Variants in WWOX observed in about 807,000 individuals in gnomAD.
The protein encoded by WWOX is WW domain-containing oxidoreductase.
WWOX carries 69 observed loss-of-function variants against 46.2 expected under a neutral mutation model. That is an observed-to-expected ratio of 1.49 (90% CI 1.23 to 1.82). WWOX has a LOEUF of 1.82. Among genes scored for constraint, WWOX ranks in the 40% most tolerant of loss-of-function variants. The pLI is 0.00. For missense variants in WWOX, 919 were observed against 542.6 expected, an observed-to-expected ratio of 1.69 and a Z score of -6.89; for synonymous variants, 359 against 202.6, an observed-to-expected ratio of 1.77 and a Z score of -6.56.
intron 8 of WWOX, among the ~76,000 whole-genome samples, chr16:79,122,933 C>T (rs1006662281): frequency 6.6e-6 from 1 of 152,228 alleles, no homozygotes; most frequent in Non-Finnish European, 1.5e-5. Context: ...CAATGGGACC[C>T]TTGCCGGGGC....
chr16:78,462,284 G>C (rs1356182467), intron 8 of WWOX, among the ~76,000 whole-genome samples: 1 of 151,720 alleles, frequency 6.6e-6, no homozygotes, highest in African/African-American at 2.4e-5. Context: ...GGTAGCAGGA[G>C]CTTTCAAAGT....
rs67180105 is a variant in WWOX at position 79,002,213 on chromosome 16, CTTTTTTTTTTTTTT to C, written c.1057-209381_1057-209368del. Among the ~76,000 whole-genome samples the C allele has an allele frequency of 2.7e-4, 11 of 41,344 alleles. No individual in the cohort carries two copies. In the Admixed American group the frequency reaches 3.1e-3, roughly 12 times the overall value. The allele number at this position is 41,344 out of a possible 152,430, so 27.1% of individuals were successfully genotyped here. A position where few individuals can be genotyped will look rare whatever the true frequency, so the allele number is the denominator to read the frequency against. On this transcript the variant is annotated intron_variant, in intron 8 of 8. Coordinates refer to ENST00000566780, the MANE Select transcript of WWOX (RefSeq NM_016373.4). ...ATTTAGATTTCCTTGGGTGTCCTGC[CTTTTTTTTTTTTTT>C]TTTTTTTTTTTTTGAGATGGAGTTT...
rs186451985 is a variant in WWOX at position 79,130,757 on chromosome 16, C to T, written c.1057-80851C>T. On this transcript the variant is annotated intron_variant, in intron 8 of 8. Transcript: ENST00000566780. ...GACTTGTAATCGCCACAATGTATTA[C>T]AGATGCAGAGTCTTCATCTTGTTGG... Among the ~76,000 whole-genome samples, 117 of 152,312 alleles carry T rather than the reference C, an allele frequency of 7.7e-4. No homozygotes were observed. The Middle Eastern group carries it at 0.014, about 18-fold the overall frequency.
At chr16:79,164,768 C>T (rs2050558061) in intron 8 of WWOX, among the ~76,000 whole-genome samples, 1 of 152,136 alleles carries the variant, frequency 6.6e-6, no homozygotes, top group African/African-American at 2.4e-5. Flanking sequence ...ACTAGAGGGT[C>T]AGCAAACTCA....
intron 8 of WWOX, among the ~76,000 whole-genome samples, chr16:78,579,244 C>T (rs72803973): frequency 0.16 from 24,271 of 152,070 alleles, 2,477 homozygotes; most frequent in African/African-American, 0.29. Context: ...TTTGTTATTA[C>T]GTCACAGTTT....
intron 7 of WWOX, among the ~76,000 whole-genome samples, chr16:78,427,413 C>T (rs1365431647): frequency 1.3e-5 from 2 of 152,074 alleles, no homozygotes; most frequent in Non-Finnish European, 1.5e-5. Context: ...GAAAAAATTT[C>T]AGATAACAAT....
chr16:78,143,696 A>T (rs1291429931), intron 4 of WWOX, among the ~76,000 whole-genome samples: 1 of 150,922 alleles, frequency 6.6e-6, no homozygotes, highest in East Asian at 1.9e-4. Context: ...GATTCCTCTA[A>T]TAAGTTTTCA....
At chr16:79,005,127 T>C (rs934043465) in intron 8 of WWOX, among the ~76,000 whole-genome samples, 1 of 152,160 alleles carries the variant, frequency 6.6e-6, no homozygotes, top group Non-Finnish European at 1.5e-5. Flanking sequence ...TGAGTCTCCA[T>C]GTGGCTTTCT....
At chr16:78,397,207 A>C (rs1301312479) in intron 6 of WWOX, among the ~76,000 whole-genome samples, 1 of 150,726 alleles carries the variant, frequency 6.6e-6, no homozygotes, top group Non-Finnish European at 1.5e-5. Flanking sequence ...CCATATAGGG[A>C]AGCAGGTCAA....
chr16:78,889,188 G>C (rs2044533656), intron 8 of WWOX, among the ~76,000 whole-genome samples: 1 of 152,108 alleles, frequency 6.6e-6, no homozygotes, highest in Admixed American at 6.5e-5. Context: ...CCAGGGATTG[G>C]CAAATGACAG....
intron 8 of WWOX, among the ~76,000 whole-genome samples, chr16:78,623,841 G>A (rs904523077): frequency 1.3e-5 from 2 of 151,970 alleles, no homozygotes; most frequent in Non-Finnish European, 2.9e-5. Flanking sequence ...GGATTCATAC[G>A]GACATTATTT....
At chr16:78,365,730 C>T (rs1052939997) in intron 5 of WWOX, among the ~76,000 whole-genome samples, 4 of 152,132 alleles carry the variant, frequency 2.6e-5, no homozygotes, top group African/African-American at 9.7e-5. Context: ...AAGCAATCTC[C>T]TTATTTCTTG....
At chr16:78,459,511 C>A (rs2083902441) in intron 8 of WWOX, among the ~76,000 whole-genome samples, 1 of 152,140 alleles carries the variant, frequency 6.6e-6, no homozygotes, top group African/African-American at 2.4e-5. Context: ...CATATTCTTG[C>A]TTTGCTTCAT....
chr16:78,616,148 C>T (rs990809033), intron 8 of WWOX, among the ~76,000 whole-genome samples: 5 of 152,026 alleles, frequency 3.3e-5, no homozygotes, highest in Non-Finnish European at 5.9e-5. Flanking sequence ...GTATTGGTAG[C>T]AATTGTCTTC....
chr16:78,996,769 G>A (rs545654104), intron 8 of WWOX, among the ~76,000 whole-genome samples: 10 of 152,196 alleles, frequency 6.6e-5, no homozygotes, highest in East Asian at 1.9e-4. Context: ...TTCCCTTCCC[G>A]CTTCCCACCT....
In WWOX at chr16:78,560,672, A is replaced by G. The variant is rs1382846948; in HGVS notation, c.1056+127920A>G. On this transcript the variant is annotated intron_variant, in intron 8 of 8. Coordinates refer to ENST00000566780, the MANE Select transcript of WWOX (RefSeq NM_016373.4). Reference sequence around the variant, plus strand: ...AAAAATTAATGATAATAATGTTACAATAATAATAATGTTAGTGATACATAT... The same window carrying G: ...AAAAATTAATGATAATAATGTTACAGTAATAATAATGTTAGTGATACATAT... Among the ~76,000 whole-genome samples the G allele has an allele frequency of 7.2e-5, 11 of 152,148 alleles. No homozygotes were observed. In the South Asian group the frequency reaches 1.0e-3, roughly 14 times the overall value.
intron 8 of WWOX, among the ~76,000 whole-genome samples, chr16:79,117,699 C>T (rs886681175): frequency 6.6e-6 from 1 of 152,268 alleles, no homozygotes; most frequent in African/African-American, 2.4e-5. Flanking sequence ...TTCTGGAAAA[C>T]TTGCTGCAGC....
chr16:78,572,153 A>G (rs1025635014), intron 8 of WWOX, among the ~76,000 whole-genome samples: 2 of 152,240 alleles, frequency 1.3e-5, no homozygotes, highest in Non-Finnish European at 2.9e-5. Context: ...TGTGATAGCA[A>G]GAACCTGAAA....
At chr16:78,652,013 G>A (rs1421791266) in intron 8 of WWOX, among the ~76,000 whole-genome samples, 1 of 152,130 alleles carries the variant, frequency 6.6e-6, no homozygotes, top group African/African-American at 2.4e-5. Flanking sequence ...TAAGGTGGAT[G>A]TATTATTGGC....
Sources: gnomAD v4.1 joint callset for allele counts (sites outside exome capture counted in the v4.1 genomes callset) on GRCh38, gnomAD v4.1.1 for gene constraint, MANE v1.5 for transcripts, NCBI Gene and HGNC (gene_info 2026-07-23, HGNC 2026-07-21) for gene names.